Variants in SYT11 observed in about 807,000 individuals in gnomAD.
SYT11 encodes synaptotagmin-11.
A neutral mutation model predicts 30.4 loss-of-function variants in SYT11; 12 were observed. That is an observed-to-expected ratio of 0.39 (90% CI 0.25 to 0.64). SYT11 has a LOEUF of 0.64. SYT11 is among the 30% of genes least tolerant of loss of function. The pLI, the probability that SYT11 is intolerant of heterozygous loss-of-function variation, is 0.45. For missense variants in SYT11, 412 were observed against 552.0 expected, an observed-to-expected ratio of 0.75 and a Z score of 2.54; for synonymous variants, 204 against 216.0, an observed-to-expected ratio of 0.94 and a Z score of 0.49.
intron 1 of SYT11, among the ~76,000 whole-genome samples, chr1:155,863,678 TG>T (rs1245769811): frequency 6.6e-6 from 1 of 151,972 alleles, no homozygotes; most frequent in African/African-American, 2.4e-5. Flanking sequence ...CCTAGCACTT[TG>T]GGGGGCCAAG....
At chr1:155,862,866 T>A (rs1425091856) in intron 1 of SYT11, among the ~76,000 whole-genome samples, 1 of 152,200 alleles carries the variant, frequency 6.6e-6, no homozygotes, top group Non-Finnish European at 1.5e-5. Flanking sequence ...GAGAGCCACT[T>A]CCTTAGGCTG....
chr1:155,873,186 G>A (rs971302364), intron 2 of SYT11, among the ~76,000 whole-genome samples: 4 of 152,270 alleles, frequency 2.6e-5, no homozygotes, highest in Middle Eastern at 6.8e-3. Flanking sequence ...CCAGCCCTTT[G>A]GGAGGCCGAG....
chr1:155,869,572 G>A (rs925217541), intron 2 of SYT11, among the ~76,000 whole-genome samples: 4 of 152,028 alleles, frequency 2.6e-5, no homozygotes, highest in Non-Finnish European at 4.4e-5. Flanking sequence ...GCACCCAGCC[G>A]TCATGCACAT....
chr1:155,862,507 T>C (rs1672609577), intron 1 of SYT11, among the ~76,000 whole-genome samples: 1 of 152,246 alleles, frequency 6.6e-6, no homozygotes, highest in Non-Finnish European at 1.5e-5. Flanking sequence ...TTCATCTGTT[T>C]CTCTTCTTTT....
At position 155,881,400 on chromosome 1, in the gene SYT11, G is replaced by C. The variant is rs751643416; in HGVS notation, c.1188G>C (p.Leu396=). 1.2e-6 allele frequency: 2 copies of C among 1,614,034 alleles called. No individual in the cohort carries two copies. Among genetic ancestry groups the C allele is most frequent in the Admixed American group, 3.3e-5 (2 of 60,002 alleles). The part of the protein sequence containing the change: ...RTTKNEVVGR[L]ILGAHSVTAS... The stretch of plus-strand genomic sequence containing the variant: ...CCAAGAATGAGGTGGTGGGGAGGCT[G>C]ATCCTGGGGGCACACAGTGTCACAG... The change falls in exon 4 of 4, where the codon CTG becomes CTC. Residue 396 remains leucine (L), a synonymous_variant. Transcript: ENST00000368324.
Position 155,881,069 on chromosome 1 carries a change from A to G in SYT11, c.986-129A>G, listed in dbSNP as rs1242570254. The G allele has an allele frequency of 8.9e-6, 9 of 1,006,656 alleles. 1 individual carries two copies. The East Asian group carries it at 1.7e-4, about 19-fold the overall frequency. 62.4% of individuals were successfully genotyped at this position (1,006,656 alleles called of 1,614,324 possible). A position where few individuals can be genotyped will look rare whatever the true frequency, so the allele number is the denominator to read the frequency against. On this transcript the variant is annotated intron_variant, in intron 3 of 3. Coordinates refer to ENST00000368324, the MANE Select transcript of SYT11 (RefSeq NM_152280.5). ...GTGTTTATTGTGCAATCACTAAAGA[A>G]CACATGGGATGGCCATCAAAGATAC...
At chr1:155,877,691 C>A (rs1672888901) in intron 2 of SYT11, among the ~76,000 whole-genome samples, 1 of 152,060 alleles carries the variant, frequency 6.6e-6, no homozygotes, top group African/African-American at 2.4e-5. Flanking sequence ...GTTGCTGGGA[C>A]TACAGGCGCC....
At chr1:155,863,339 G>A (rs1344355206) in intron 1 of SYT11, among the ~76,000 whole-genome samples, 2 of 152,046 alleles carry the variant, frequency 1.3e-5, no homozygotes, top group Non-Finnish European at 2.9e-5. Context: ...TGTAGTCCCA[G>A]CTATTCAGGA....
intron 1 of SYT11, 133 bp downstream of exon 1, chr1:155,859,928 TGGTGGTG>T: frequency 1.1e-6 from 1 of 873,388 alleles, no homozygotes; most frequent in Non-Finnish European, 1.9e-6. Context: ...ATCGGGCCTG[TGGTGGTG>T]GGTAGTGGGT....
At chr1:155,871,854 C>G (rs1672785571) in intron 2 of SYT11, among the ~76,000 whole-genome samples, 1 of 152,148 alleles carries the variant, frequency 6.6e-6, no homozygotes, top group South Asian at 2.1e-4. Flanking sequence ...TCTCCCTAGT[C>G]ACTCATCCAC....
At position 155,883,028 on chromosome 1, in the gene SYT11, A is replaced by G. The variant is rs971372535; in HGVS notation, c.*1520A>G. 6.6e-6 allele frequency: 1 copy of G among 152,392 alleles called. No homozygotes were observed. Among genetic ancestry groups the G allele is most frequent in the African/African-American group, 2.4e-5 (1 of 41,466 alleles). The allele number at this position is 152,392 out of a possible 1,614,324, so 9.4% of individuals were successfully genotyped here. Reference sequence around the variant, plus strand: ...ATTCTTTCAGAGCATTCTTTTCCTCAAAACGAGCTGCATAATTCTTGGAAT... The same window carrying G: ...ATTCTTTCAGAGCATTCTTTTCCTCGAAACGAGCTGCATAATTCTTGGAAT... On this transcript the variant is annotated 3_prime_UTR_variant, in exon 4 of 4. Coordinates refer to ENST00000368324, the MANE Select transcript of SYT11 (RefSeq NM_152280.5).
chr1:155,869,233 C>T (rs1335202417), intron 2 of SYT11, among the ~76,000 whole-genome samples: 2 of 149,308 alleles, frequency 1.3e-5, no homozygotes, highest in African/African-American at 2.5e-5. Context: ...CAACCCTAAC[C>T]TAGGGGTGTA....
At chr1:155,880,764 T>C (rs937160505) in intron 3 of SYT11, 141 bp downstream of exon 3, 1 of 1,051,248 alleles carries the variant, frequency 9.5e-7, no homozygotes, top group Non-Finnish European at 1.4e-6. Flanking sequence ...ATTCTCTTCC[T>C]GATGAGTATC....
chr1:155,881,508 A>T lies in SYT11; in HGVS notation c.1296A>T (p.Ter432TyrextTer7). 1 of 1,591,690 alleles carries T rather than the reference A, an allele frequency of 6.3e-7. No homozygotes were observed. Among genetic ancestry groups the T allele is most frequent in the Non-Finnish European group, 8.6e-7 (1 of 1,164,382 alleles). The change falls in exon 4 of 4, where the codon TAA becomes TAT. Residue 432 changes from the stop codon to tyrosine, a stop_lost. Coordinates refer to ENST00000368324, the MANE Select transcript of SYT11 (RefSeq NM_152280.5). ...AGTGGCACAGTCTGAGCGAGTACTA[A>T]TCCTGTTCTTCTCTCCTCTAATCCC... is the stretch of plus-strand genomic sequence containing the variant. ...VAKWHSLSEY[*>Y]
At position 155,883,757 on chromosome 1, in the gene SYT11, G is replaced by A. The variant is rs1437313544; in HGVS notation, c.*2249G>A. 2 of 152,130 alleles carry A rather than the reference G, an allele frequency of 1.3e-5. No homozygotes were observed. The highest frequency in any genetic ancestry group is 4.8e-5 in the African/African-American group (2 of 41,364). 9.4% of individuals were successfully genotyped at this position (152,130 alleles called of 1,614,324 possible). ...AAAGCTGAGTCTCTATGGACGGGGG[G>A]GTGATCTTGCTTTCAGTGTTCCCTC... On this transcript the variant is annotated 3_prime_UTR_variant, in exon 4 of 4. Transcript: ENST00000368324.
At position 155,885,175 on chromosome 1, in the gene SYT11, A is replaced by C. The variant is rs947888629; in HGVS notation, c.*3667A>C. On this transcript the variant is annotated 3_prime_UTR_variant, in exon 4 of 4. Transcript: ENST00000368324. ...TAATGCACCACACAAGTGCAAAATAAAGACTGATTCACATTACATAGGCAC... is the reference window on the plus strand; with the variant it reads ...TAATGCACCACACAAGTGCAAAATACAGACTGATTCACATTACATAGGCAC... 6.6e-6 allele frequency: 1 copy of C among 152,352 alleles called. No homozygotes were observed. The highest frequency in any genetic ancestry group is 1.5e-5 in the Non-Finnish European group (1 of 68,028). 9.4% of individuals were successfully genotyped at this position (152,352 alleles called of 1,614,324 possible).
chr1:155,877,378 A>G (rs1298351515), intron 2 of SYT11, among the ~76,000 whole-genome samples: 1 of 151,994 alleles, frequency 6.6e-6, no homozygotes, highest in Admixed American at 6.6e-5. Context: ...TGCTGGGAAT[A>G]GAGTCGTGAG....
chr1:155,869,520 C>T (rs907560253), intron 2 of SYT11, among the ~76,000 whole-genome samples: 1 of 152,066 alleles, frequency 6.6e-6, no homozygotes, highest in Non-Finnish European at 1.5e-5. Context: ...GATCCACCTG[C>T]CTCGGACTCC....
chr1:155,867,234 T>C (rs987727362), intron 1 of SYT11, among the ~76,000 whole-genome samples: 3 of 152,084 alleles, frequency 2.0e-5, no homozygotes, highest in African/African-American at 7.2e-5. Flanking sequence ...ATTTTTTATA[T>C]TTTTAGTAGA....
Sources: allele counts gnomAD v4.1 joint callset (sites outside exome capture counted in the v4.1 genomes callset), GRCh38; gene constraint gnomAD v4.1.1; transcripts MANE v1.5; gene names NCBI Gene and HGNC (gene_info 2026-07-23, HGNC 2026-07-21).